Variants in CFAP20DC observed in about 807,000 individuals in gnomAD.
The protein encoded by CFAP20DC is protein CFAP20DC.
A neutral mutation model predicts 101.7 loss-of-function variants in CFAP20DC; 84 were observed. The observed-to-expected ratio is 0.83, with a 90% CI of 0.69 to 0.99. The LOEUF (loss-of-function observed/expected upper bound fraction) is 0.99, where lower values mean the gene tolerates loss of function less well. Ranked by LOEUF, CFAP20DC falls within the 50% of genes least tolerant of loss-of-function variation. CFAP20DC has a pLI of 0.00. For missense variants in CFAP20DC, 1,007 were observed against 970.3 expected (o/e 1.04, Z -0.50); for synonymous variants, 359 against 351.2 (o/e 1.02, Z -0.25).
intron 7 of CFAP20DC, among the ~76,000 whole-genome samples, chr3:58,876,463 C>T (rs1046702914): frequency 2.0e-5 from 3 of 152,022 alleles, no homozygotes; most frequent in African/African-American, 7.2e-5. Context: ...GAGCTGATAT[C>T]AATATGCATA....
At position 58,722,613 on chromosome 3, in the gene CFAP20DC, CAG is replaced by C. The variant is rs1292793957; in HGVS notation, c.198-4987_198-4986del. ...CCTTCGACGCAGGGTCAAGGCAAGACAGGGAATAAACAGGTCACTCCCACAGT... is the reference window on the plus strand; with the variant it reads ...CCTTCGACGCAGGGTCAAGGCAAGACGGAATAAACAGGTCACTCCCACAGT... On this transcript the variant is annotated intron_variant, in intron 3 of 3. Coordinates refer to the CFAP20DC transcript ENST00000486145. The surrounding 1 kb of genome is among the most constrained non-coding windows in gnomAD (Gnocchi z 4.5). 1.3e-5 allele frequency among the ~76,000 whole-genome samples: 2 copies of C among 152,200 alleles called. No homozygotes were observed. Among genetic ancestry groups the C allele is most frequent in the Non-Finnish European group, 2.9e-5 (2 of 68,036 alleles).
chr3:58,939,535 T>C (rs2088205853), intron 4 of CFAP20DC, among the ~76,000 whole-genome samples: 1 of 151,986 alleles, frequency 6.6e-6, no homozygotes, highest in Non-Finnish European at 1.5e-5. Flanking sequence ...CTCGGCTCAC[T>C]GCAAGCTCCA....
intron 6 of CFAP20DC, among the ~76,000 whole-genome samples, chr3:58,907,408 C>T (rs1054356609): frequency 6.6e-6 from 1 of 152,130 alleles, no homozygotes; most frequent in African/African-American, 2.4e-5. Flanking sequence ...AGGTTTCTTG[C>T]CAGACCCTGA....
At chr3:58,883,371 C>T (rs1180966409) in intron 7 of CFAP20DC, among the ~76,000 whole-genome samples, 1 of 152,160 alleles carries the variant, frequency 6.6e-6, no homozygotes, top group African/African-American at 2.4e-5. Flanking sequence ...AATTCAACTT[C>T]CTAAAACAGA....
rs1157593339 is a variant in CFAP20DC, at chr3:58,895,041, C to T, written c.551-10332G>A. On this transcript the variant is annotated intron_variant, in intron 6 of 16. Coordinates refer to ENST00000482387, the MANE Select transcript of CFAP20DC (RefSeq NM_001394063.1). Reference sequence around the variant, plus strand: ...CCCCAGGCTGCACACAACATGGTGACCCTGGGCCTGGCCCATGAAACCATT... The same window carrying T: ...CCCCAGGCTGCACACAACATGGTGATCCTGGGCCTGGCCCATGAAACCATT... Among the ~76,000 whole-genome samples the T allele has an allele frequency of 3.3e-5, 5 of 152,238 alleles. No individual in the cohort carries two copies. In the East Asian group the frequency reaches 9.6e-4, roughly 29 times the overall value.
chr3:58,785,001 T>A (rs974479269), intron 15 of CFAP20DC, among the ~76,000 whole-genome samples: 1 of 152,062 alleles, frequency 6.6e-6, no homozygotes, highest in Non-Finnish European at 1.5e-5. Flanking sequence ...GCGGCACTAT[T>A]CACAATAGCA....
chr3:59,014,831 A>C lies in CFAP20DC; in HGVS notation c.278+24726T>G, dbSNP rs2093656869. Among the ~76,000 whole-genome samples, 1 of 152,102 alleles carries C rather than the reference A, an allele frequency of 6.6e-6. No homozygotes were observed. The highest frequency in any genetic ancestry group is 1.5e-5 in the Non-Finnish European group (1 of 68,006). Reference sequence around the variant, plus strand: ...ATATGTAGTACTACTCCTTAGCAGTATGCTTGACTGGTTTGTGAGGCTCCG... The same window carrying C: ...ATATGTAGTACTACTCCTTAGCAGTCTGCTTGACTGGTTTGTGAGGCTCCG... On this transcript the variant is annotated intron_variant, in intron 4 of 16. Transcript: ENST00000482387. The surrounding 1 kb of genome is among the most constrained non-coding windows in gnomAD (Gnocchi z 4.9).
Position 58,874,542 on chromosome 3 carries a change from C to T in CFAP20DC, c.716-4233G>A, listed in dbSNP as rs1045785266. ...ACATGTCTGAGTATCTTACACCTCT[C>T]GTTTTCTGCCCTCTCGGTAGACGGG... On this transcript the variant is annotated intron_variant, in intron 7 of 16. Transcript: ENST00000482387. This position sits in a 1 kb window ranked among gnomAD's most constrained non-coding sequence, Gnocchi z 5.1. Among the ~76,000 whole-genome samples the T allele has an allele frequency of 9.2e-5, 14 of 152,124 alleles. No homozygotes were observed. Among genetic ancestry groups the T allele is most frequent in the Admixed American group, 5.9e-4 (9 of 15,276 alleles).
At chr3:59,041,222 G>C (rs1471308155) in intron 3 of CFAP20DC, among the ~76,000 whole-genome samples, 6 of 152,006 alleles carry the variant, frequency 3.9e-5, no homozygotes, top group East Asian at 1.9e-4. Flanking sequence ...AAATCTCACT[G>C]AATCAGCACT....
At chr3:58,830,152 C>T (rs1048331446) in intron 14 of CFAP20DC, among the ~76,000 whole-genome samples, 1 of 152,122 alleles carries the variant, frequency 6.6e-6, no homozygotes, top group Non-Finnish European at 1.5e-5. Flanking sequence ...AATGAAAGCA[C>T]AACTGAGGCA....
chr3:58,913,854 A>G lies in CFAP20DC; in HGVS notation c.404T>C (p.Leu135Pro), dbSNP rs749969502. 2.3e-5 allele frequency: 37 copies of G among 1,613,456 alleles called. No individual in the cohort carries two copies. Among genetic ancestry groups the G allele is most frequent in the Non-Finnish European group, 2.9e-5 (34 of 1,179,680 alleles). The change falls in exon 6 of 17, where the codon CTA becomes CCA. Residue 135 changes from leucine to proline, a missense_variant. Leu to Pro is a moderately conservative substitution (Grantham distance 98). Coordinates refer to ENST00000482387, the MANE Select transcript of CFAP20DC (RefSeq NM_001394063.1). The surrounding 1 kb of genome is among the most constrained non-coding windows in gnomAD (Gnocchi z 4.4). ...FMIKRKIWCN[L>P]CIDLVAFTSE... ...GGTGAATGCTACTAAGTCAATGCATAGATTGCACCACTAAAATAGAGAGAT... is the reference window on the plus strand; with the variant it reads ...GGTGAATGCTACTAAGTCAATGCATGGATTGCACCACTAAAATAGAGAGAT...
At chr3:58,975,505 T>G (rs1350286279) in intron 4 of CFAP20DC, among the ~76,000 whole-genome samples, 1 of 152,220 alleles carries the variant, frequency 6.6e-6, no homozygotes, top group East Asian at 1.9e-4. Flanking sequence ...GAGGCAGCAC[T>G]GAAGAAAATG....
At chr3:58,825,730 C>T (rs923345689) in intron 14 of CFAP20DC, among the ~76,000 whole-genome samples, 8 of 152,100 alleles carry the variant, frequency 5.3e-5, no homozygotes, top group Non-Finnish European at 1.2e-4. Context: ...TGATTGTAGC[C>T]TGGTTTCCAC....
At chr3:58,935,261 A>G (rs377473415) in intron 5 of CFAP20DC, among the ~76,000 whole-genome samples, 1 of 152,128 alleles carries the variant, frequency 6.6e-6, no homozygotes, top group Admixed American at 6.5e-5. Flanking sequence ...CCACTGCTCA[A>G]GGAAATAAAA....
intron 4 of CFAP20DC, among the ~76,000 whole-genome samples, chr3:59,038,872 C>T (rs1448861263): frequency 6.6e-6 from 1 of 151,920 alleles, no homozygotes; most frequent in Non-Finnish European, 1.5e-5. Flanking sequence ...AAGCTCAGAC[C>T]TTGGACAGCT....
intron 15 of CFAP20DC, chr3:58,794,423 C>A (rs1052430058): frequency 6.9e-6 from 3 of 432,452 alleles, no homozygotes; most frequent in African/African-American, 6.1e-5. Flanking sequence ...GCCTTTTTGC[C>A]TTCAAGTCAT....
At chr3:58,943,655 A>C (rs112280420) in intron 4 of CFAP20DC, among the ~76,000 whole-genome samples, 5 of 152,282 alleles carry the variant, frequency 3.3e-5, no homozygotes, top group African/African-American at 1.2e-4. Flanking sequence ...AAAAACCAGA[A>C]CACTTCTTTT....
intron 3 of CFAP20DC, among the ~76,000 whole-genome samples, chr3:58,723,979 C>T (rs2067510606): frequency 1.3e-5 from 2 of 152,190 alleles, no homozygotes; most frequent in African/African-American, 4.8e-5. Flanking sequence ...TAGCCTGTCT[C>T]ACGTGGATAG....
chr3:58,980,909 A>T (rs1054991921), intron 4 of CFAP20DC, among the ~76,000 whole-genome samples: 19 of 152,244 alleles, frequency 1.2e-4, no homozygotes, highest in South Asian at 4.1e-4. Flanking sequence ...AAACAGGAAG[A>T]CAAATTGTCC....
Sources: gnomAD v4.1 joint callset for allele counts (sites outside exome capture counted in the v4.1 genomes callset) on GRCh38, gnomAD v4.1.1 for gene constraint, Gnocchi (gnomAD v3.1) non-coding constraint, MANE v1.5 for transcripts, NCBI Gene and HGNC (gene_info 2026-07-23, HGNC 2026-07-21) for gene names.